The following WWOX variants were observed in gnomAD, a reference collection of about 807,000 sequenced individuals.
WWOX encodes WW domain-containing oxidoreductase.
Under a neutral mutation model 46.2 loss-of-function variants are expected in WWOX, and 69 were observed. That is an observed-to-expected ratio of 1.49 (90% CI 1.23 to 1.82). The LOEUF (loss-of-function observed/expected upper bound fraction) is 1.82, where lower values mean the gene tolerates loss of function less well. Among genes scored for constraint, WWOX ranks in the 40% most tolerant of loss-of-function variants. The pLI, the probability that WWOX is intolerant of heterozygous loss-of-function variation, is 0.00. For synonymous variants in WWOX, 359 were observed against 202.6 expected, an observed-to-expected ratio of 1.77 and a Z score of -6.56; for missense variants, 919 against 542.6, an observed-to-expected ratio of 1.69 and a Z score of -6.89.
chr16:78,326,477 G>A (rs1277829564), intron 5 of WWOX, among the ~76,000 whole-genome samples: 3 of 149,716 alleles, frequency 2.0e-5, no homozygotes, highest in African/African-American at 7.4e-5. Context: ...GCCTAGTAAA[G>A]GAATGTAAAT....
intron 8 of WWOX, among the ~76,000 whole-genome samples, chr16:78,589,232 C>T (rs909958237): frequency 6.6e-6 from 1 of 152,064 alleles, no homozygotes; most frequent in African/African-American, 2.4e-5. Context: ...CAGGAGGGAA[C>T]AGAGGGAGAA....
At chr16:78,827,226 A>G (rs769048659) in intron 8 of WWOX, among the ~76,000 whole-genome samples, 1 of 152,184 alleles carries the variant, frequency 6.6e-6, no homozygotes, top group Admixed American at 6.5e-5. Flanking sequence ...CTGATCCTCT[A>G]AGACAGTGAG....
chr16:78,977,847 A>G (rs1166476667), intron 8 of WWOX, among the ~76,000 whole-genome samples: 2 of 152,184 alleles, frequency 1.3e-5, no homozygotes, highest in African/African-American at 4.8e-5. Flanking sequence ...AAAAGCAAGG[A>G]AACTTCAAGG....
chr16:78,588,843 G>C (rs1201258065), intron 8 of WWOX, among the ~76,000 whole-genome samples: 2 of 152,174 alleles, frequency 1.3e-5, no homozygotes, highest in Non-Finnish European at 2.9e-5. Context: ...GTTTACCCAG[G>C]GTGGTGGTAG....
chr16:78,819,812 C>T (rs772130423), intron 8 of WWOX, among the ~76,000 whole-genome samples: 2 of 152,226 alleles, frequency 1.3e-5, no homozygotes, highest in Non-Finnish European at 2.9e-5. Flanking sequence ...GGCAATATCT[C>T]TGATGGTTAA....
At chr16:79,001,509 G>T (rs901573664) in intron 8 of WWOX, among the ~76,000 whole-genome samples, 1 of 152,168 alleles carries the variant, frequency 6.6e-6, no homozygotes, top group Non-Finnish European at 1.5e-5. Flanking sequence ...ATACCCAGTA[G>T]AGAAATTAAG....
chr16:79,169,737 G>T (rs187710215), intron 8 of WWOX, among the ~76,000 whole-genome samples: 1 of 152,172 alleles, frequency 6.6e-6, no homozygotes, highest in Admixed American at 6.5e-5. Flanking sequence ...GGCTGGGATC[G>T]CCAGTGCCCA....
chr16:78,741,504 G>T (rs550454467), intron 8 of WWOX, among the ~76,000 whole-genome samples: 12 of 152,094 alleles, frequency 7.9e-5, no homozygotes, highest in African/African-American at 2.9e-4. Context: ...AGGTTGAAGT[G>T]ACCCAAGATC....
intron 8 of WWOX, among the ~76,000 whole-genome samples, chr16:78,793,602 T>A (rs1179775217): frequency 6.6e-6 from 1 of 152,198 alleles, no homozygotes; most frequent in Non-Finnish European, 1.5e-5. Context: ...TAACCTTTAT[T>A]GTTTAAATAT....
chr16:78,812,212 A>G (rs1034550377), intron 8 of WWOX, among the ~76,000 whole-genome samples: 2 of 152,146 alleles, frequency 1.3e-5, no homozygotes, highest in South Asian at 4.2e-4. Flanking sequence ...TTAAAAGACA[A>G]GATGACATCC....
chr16:78,641,603 C>G (rs995020907), intron 8 of WWOX, among the ~76,000 whole-genome samples: 1 of 152,142 alleles, frequency 6.6e-6, no homozygotes, highest in Non-Finnish European at 1.5e-5. Flanking sequence ...TGAAAGGGAG[C>G]CTTCATCTGT....
chr16:78,561,362 C>A (rs914643217), intron 8 of WWOX, among the ~76,000 whole-genome samples: 1 of 152,044 alleles, frequency 6.6e-6, no homozygotes, highest in East Asian at 1.9e-4. Context: ...CTCTGACTTT[C>A]CTTGATTTTG....
chr16:78,858,873 C>G (rs1408308534), intron 8 of WWOX, among the ~76,000 whole-genome samples: 3 of 150,572 alleles, frequency 2.0e-5, no homozygotes, highest in Middle Eastern at 3.2e-3. Flanking sequence ...TAGTTGGGGT[C>G]TCACCATGTT....
intron 8 of WWOX, among the ~76,000 whole-genome samples, chr16:78,651,967 A>G (rs115321633): frequency 6.6e-6 from 1 of 152,162 alleles, no homozygotes; most frequent in African/African-American, 2.4e-5. Flanking sequence ...TATCAGTTAC[A>G]TTATTATGAG....
intron 8 of WWOX, among the ~76,000 whole-genome samples, chr16:79,120,578 G>T (rs775859922): frequency 6.6e-6 from 1 of 152,168 alleles, no homozygotes; most frequent in Non-Finnish European, 1.5e-5. Context: ...ATTTGCTCAC[G>T]GTGTTGGAGC....
intron 8 of WWOX, among the ~76,000 whole-genome samples, chr16:78,465,638 C>G (rs1479635465): frequency 6.6e-6 from 1 of 152,216 alleles, no homozygotes; most frequent in East Asian, 1.9e-4. Context: ...TATTTTCCAC[C>G]TATAAAACCT....
At chr16:79,095,937 C>A in intron 8 of WWOX, among the ~76,000 whole-genome samples, 1 of 150,062 alleles carries the variant, frequency 6.7e-6, no homozygotes, top group Admixed American at 6.6e-5. Context: ...GCAACCTCTG[C>A]CTCCCAGGTT....
intron 4 of WWOX, among the ~76,000 whole-genome samples, chr16:78,141,926 A>G (rs2034002484): frequency 6.6e-6 from 1 of 151,708 alleles, no homozygotes; most frequent in South Asian, 2.1e-4. Context: ...CAAAATACAT[A>G]TATTCTATGT....
chr16:79,000,449 C>T (rs1013720823), intron 8 of WWOX, among the ~76,000 whole-genome samples: 2 of 152,124 alleles, frequency 1.3e-5, no homozygotes, highest in African/African-American at 4.8e-5. Context: ...TGGGTAGGCC[C>T]AGTCGAATCA....
Sources: allele counts gnomAD v4.1 joint callset (sites outside exome capture counted in the v4.1 genomes callset), GRCh38; gene constraint gnomAD v4.1.1; transcripts MANE v1.5; gene names NCBI Gene and HGNC (gene_info 2026-07-23, HGNC 2026-07-21).